ITPR2: variants seen among roughly 807,000 people sequenced by gnomAD.
ITPR2 encodes the protein inositol 1,4,5-trisphosphate-gated calcium channel ITPR2.
In ITPR2, 207 loss-of-function variants were observed where a neutral mutation model predicts 317.1. That is an observed-to-expected ratio of 0.65 (90% CI 0.58 to 0.73). ITPR2 has a LOEUF of 0.73. Ranked by LOEUF, ITPR2 falls within the 30% of genes least tolerant of loss-of-function variation. ITPR2 has a pLI of 0.00. For missense variants in ITPR2, 2,613 were observed against 3,284.0 expected, an observed-to-expected ratio of 0.80 and a Z score of 4.99; for synonymous variants, 1,156 against 1,149.1, an observed-to-expected ratio of 1.01 and a Z score of -0.12.
chr12:26,501,515 C>T (rs992505353), intron 37 of ITPR2, among the ~76,000 whole-genome samples: 1 of 152,146 alleles, frequency 6.6e-6, no homozygotes, highest in Admixed American at 6.6e-5. Context: ...TTGCCTTTGC[C>T]TAGCTTTCTT....
chr12:26,368,679 T>C lies in ITPR2; in HGVS notation c.7857+18755A>G, dbSNP rs143351769. Among the ~76,000 whole-genome samples the C allele has an allele frequency of 2.2e-3, 340 of 152,342 alleles. 1 individual carries two copies. The highest frequency in any genetic ancestry group is 7.7e-3 in the African/African-American group (320 of 41,582). On this transcript the variant is annotated intron_variant, in intron 55 of 56. Transcript: ENST00000381340. Reference sequence around the variant, plus strand: ...AGAATCTAGGCTAAGTCACTAAAGATATATCATTACTTATTTCTTGTTCAT... The same window carrying C: ...AGAATCTAGGCTAAGTCACTAAAGACATATCATTACTTATTTCTTGTTCAT...
At chr12:26,487,404 G>C (rs1370947102) in intron 39 of ITPR2, among the ~76,000 whole-genome samples, 153 bp from the exon 40 acceptor site, 1 of 152,128 alleles carries the variant, frequency 6.6e-6, no homozygotes, top group Non-Finnish European at 1.5e-5. Context: ...CCAGTTTCTT[G>C]TACTATTTAA....
At chr12:26,395,765 G>C (rs140473760) in intron 54 of ITPR2, among the ~76,000 whole-genome samples, 2,084 of 152,288 alleles carry the variant, frequency 0.014, 15 homozygotes, top group Non-Finnish European at 0.023. Flanking sequence ...GGTTATGCTT[G>C]AATGAGAACC....
intron 55 of ITPR2, among the ~76,000 whole-genome samples, chr12:26,355,934 A>G (rs1938625039): frequency 1.3e-5 from 2 of 152,196 alleles, no homozygotes; most frequent in African/African-American, 4.8e-5. Flanking sequence ...ATTCAGACTA[A>G]ACTTTCCCAT....
At position 26,550,230 on chromosome 12, in the gene ITPR2, GT is replaced by G. The variant is rs1944491190; in HGVS notation, c.5073+16del. 1.8e-6 allele frequency: 2 copies of G among 1,112,650 alleles called. No individual in the cohort carries two copies. Among genetic ancestry groups the G allele is most frequent in the Admixed American group, 2.2e-5 (1 of 45,796 alleles). 68.9% of individuals were successfully genotyped at this position (1,112,650 alleles called of 1,614,324 possible). ...TCCTACTTTATTTTTAAATAATAAA[GT>G]TTTTTAAAAAAATACCTCTTCCACA... is the stretch of plus-strand genomic sequence containing the variant. On this transcript the variant is annotated intron_variant, in intron 37 of 56. Coordinates refer to ENST00000381340, the MANE Select transcript of ITPR2 (RefSeq NM_002223.4).
intron 37 of ITPR2, among the ~76,000 whole-genome samples, chr12:26,542,133 T>C (rs1442259782): frequency 6.6e-6 from 1 of 152,202 alleles, no homozygotes; most frequent in African/African-American, 2.4e-5. Flanking sequence ...TTACAAAATA[T>C]TGTTTAGAAC....
rs1002266855 is a variant in ITPR2, at chr12:26,336,042, A to G, written c.*3355T>C. The G allele has an allele frequency of 1.3e-5, 2 of 152,234 alleles. No homozygotes were observed. The highest frequency in any genetic ancestry group is 6.5e-5 in the Admixed American group (1 of 15,276). The allele number at this position is 152,234 out of a possible 1,614,324, so 9.4% of individuals were successfully genotyped here. On this transcript the variant is annotated 3_prime_UTR_variant, in exon 57 of 57. Transcript: ENST00000381340. ...TGGGTGAGGGGTATCTCTGGGGTCC[A>G]TCAACTATTACATCATGATGCCTGT...
At chr12:26,388,386 C>T (rs1939727974) in intron 54 of ITPR2, among the ~76,000 whole-genome samples, 1 of 152,140 alleles carries the variant, frequency 6.6e-6, no homozygotes, top group African/African-American at 2.4e-5. Context: ...AAGAAGAAAC[C>T]AGGAAACTGA....
chr12:26,637,550 T>C (rs182071472), intron 21 of ITPR2, among the ~76,000 whole-genome samples: 1 of 152,244 alleles, frequency 6.6e-6, no homozygotes, highest in Non-Finnish European at 1.5e-5. Context: ...ATAAAATAGG[T>C]TGGGCCTTCT....
At chr12:26,609,898 G>A (rs1410427474) in intron 26 of ITPR2, among the ~76,000 whole-genome samples, 2 of 152,168 alleles carry the variant, frequency 1.3e-5, no homozygotes, top group Non-Finnish European at 2.9e-5. Context: ...TCATGTGAAG[G>A]GGCTTATTTA....
intron 46 of ITPR2, among the ~76,000 whole-genome samples, chr12:26,441,515 C>T (rs937681153): frequency 1.3e-5 from 2 of 152,148 alleles, no homozygotes; most frequent in Non-Finnish European, 2.9e-5. Context: ...AACCAAACTG[C>T]TGTGGAAGCA....
chr12:26,581,485 T>C (rs985248294), intron 32 of ITPR2, among the ~76,000 whole-genome samples: 2 of 152,198 alleles, frequency 1.3e-5, no homozygotes, highest in Non-Finnish European at 2.9e-5. Flanking sequence ...TTATGTCAAA[T>C]TATGTAACCT....
At chr12:26,485,699 C>T (rs867523374) in intron 41 of ITPR2, among the ~76,000 whole-genome samples, 1 of 152,188 alleles carries the variant, frequency 6.6e-6, no homozygotes, top group Non-Finnish European at 1.5e-5. Flanking sequence ...ATACTCAGTA[C>T]TCTCACTCAA....
chr12:26,588,561 G>T (rs929553128), intron 32 of ITPR2, among the ~76,000 whole-genome samples: 1 of 152,066 alleles, frequency 6.6e-6, no homozygotes, highest in African/African-American at 2.4e-5. Flanking sequence ...CCAAATTAAA[G>T]AACTAGGAAA....
At chr12:26,529,689 TCA>T (rs1031978366) in intron 37 of ITPR2, among the ~76,000 whole-genome samples, 1 of 152,190 alleles carries the variant, frequency 6.6e-6, no homozygotes, top group African/African-American at 2.4e-5. Flanking sequence ...TCTCTAAACT[TCA>T]GTTTTTCCAT....
chr12:26,640,436 A>G (rs1267884767), intron 21 of ITPR2, among the ~76,000 whole-genome samples: 2 of 152,220 alleles, frequency 1.3e-5, no homozygotes, highest in African/African-American at 4.8e-5. Flanking sequence ...TGATTCAAAC[A>G]TATTTGTATA....
At chr12:26,788,079 T>G (rs1283873485) in intron 2 of ITPR2, among the ~76,000 whole-genome samples, 1 of 151,980 alleles carries the variant, frequency 6.6e-6, no homozygotes, top group Non-Finnish European at 1.5e-5. Flanking sequence ...TGAGCCACCA[T>G]GCCCGGCTAA....
At chr12:26,422,874 C>G (rs958345666) in intron 49 of ITPR2, among the ~76,000 whole-genome samples, 1 of 152,178 alleles carries the variant, frequency 6.6e-6, no homozygotes. Context: ...ATATTTTCAT[C>G]AACCATGTAA....
At position 26,439,267 on chromosome 12, in the gene ITPR2, A is replaced by T. The variant is rs774727546; in HGVS notation, c.6503T>A (p.Ile2168Lys). ...GGATTCTCGAGTGAGGTATTCACAT[A>T]TATTGGGGACAGGAAAAACTATTTG... ...MEQIVFPVPN[I>K]CEYLTRESKC... is the part of the protein sequence containing the mutation. Residue 2168 changes from isoleucine (I) to lysine (K), a missense_variant, in exon 47 of 57, where the codon ATA becomes AAA. Ile to Lys is a moderately radical substitution (Grantham distance 102). Around this residue, in one of 9 missense-constraint regions of ITPR2, gnomAD observed 926 missense variants for 1,072.8 expected, o/e 0.86. Transcript: ENST00000381340. 2 of 1,611,932 alleles carry T rather than the reference A, an allele frequency of 1.2e-6. No individual in the cohort carries two copies. The highest frequency in any genetic ancestry group is 1.7e-6 in the Non-Finnish European group (2 of 1,179,040).
Sources: allele counts gnomAD v4.1 joint callset (sites outside exome capture counted in the v4.1 genomes callset), GRCh38; gene constraint gnomAD v4.1.1; regional missense constraint gnomAD v4.1.1; transcripts MANE v1.5; gene names NCBI Gene and HGNC (gene_info 2026-07-23, HGNC 2026-07-21).